Variants in NDUFAF7 observed in about 807,000 individuals in gnomAD.
NDUFAF7 encodes protein arginine methyltransferase NDUFAF7, mitochondrial.
In NDUFAF7, 48 loss-of-function variants were observed where a neutral mutation model predicts 47.2. The observed-to-expected ratio is 1.02, with a 90% CI of 0.81 to 1.29. NDUFAF7 has a LOEUF of 1.29. Among genes scored for constraint, NDUFAF7 ranks in the 50% most tolerant of loss-of-function variants. The probability of loss-of-function intolerance (pLI) is 0.00; values close to 1 mark genes in which losing one functional copy is unlikely to be tolerated. For missense variants in NDUFAF7, 635 were observed against 537.6 expected, an observed-to-expected ratio of 1.18 and a Z score of -1.79; for synonymous variants, 217 against 190.0, an observed-to-expected ratio of 1.14 and a Z score of -1.17.
chr2:37,262,325 G>A, the NDUFAF7 span, among the ~76,000 whole-genome samples: 1 of 152,112 alleles, frequency 6.6e-6, no homozygotes. Flanking sequence ...AATAATGTGT[G>A]TATTCTACTC....
intron 3 of NDUFAF7, among the ~76,000 whole-genome samples, chr2:37,236,780 C>CAA (rs557865044): frequency 0.022 from 2,116 of 96,988 alleles, 145 homozygotes; most frequent in Admixed American, 0.17. Flanking sequence ...AACTCCGTCT[C>CAA]AAAAAAAAAA....
chr2:37,232,859 A>T (rs1040011698), intron 2 of NDUFAF7, among the ~76,000 whole-genome samples: 1 of 152,182 alleles, frequency 6.6e-6, no homozygotes, highest in African/African-American at 2.4e-5. Flanking sequence ...CTACAGAGCC[A>T]TTTGGTGAAA....
At position 37,242,634 on chromosome 2, in the gene NDUFAF7, G is replaced by A. The variant is rs776949355; in HGVS notation, c.623-1G>A. 5 of 1,583,846 alleles carry A rather than the reference G, an allele frequency of 3.2e-6. No homozygotes were observed. In the Admixed American group the frequency reaches 5.0e-5, roughly 16 times the overall value. ...TTAATTGTTTTCCTCTTTTTAAATAGGGTACAGCTTTTATCTTGCACATGA... is the reference window on the plus strand; with the variant it reads ...TTAATTGTTTTCCTCTTTTTAAATAAGGTACAGCTTTTATCTTGCACATGA... On this transcript the variant is annotated splice_acceptor_variant, in intron 5 of 9. Coordinates refer to ENST00000002125, the MANE Select transcript of NDUFAF7 (RefSeq NM_144736.5). LOFTEE classifies it high-confidence loss of function.
At chr2:37,270,894 T>A in the NDUFAF7 span, among the ~76,000 whole-genome samples, 2 of 152,184 alleles carry the variant, frequency 1.3e-5, no homozygotes, top group African/African-American at 4.8e-5. Flanking sequence ...TTCTGAATCC[T>A]TTTCCCCCAT....
At position 37,233,680 on chromosome 2, in the gene NDUFAF7, A is replaced by G. The variant is rs74826115; in HGVS notation, c.216+1414A>G. ...CAGAAGAAAGACTGGGCAGGCATAT[A>G]TACATTTGCTCGTCATCAGCATATA... On this transcript the variant is annotated intron_variant, in intron 2 of 9. Transcript: ENST00000002125. Among the ~76,000 whole-genome samples the G allele has an allele frequency of 9.7e-3, 1,480 of 152,002 alleles. 24 individuals carry two copies. Among genetic ancestry groups the G allele is most frequent in the African/African-American group, 0.032 (1,334 of 41,430 alleles).
intron 9 of NDUFAF7, 56 bp from the exon 10 acceptor site, chr2:37,248,079 T>C (rs1414563568): frequency 7.3e-6 from 10 of 1,371,884 alleles, no homozygotes; most frequent in Admixed American, 3.8e-5. Context: ...TATTGCTGCA[T>C]GTAACTAGGA....
At chr2:37,253,228 T>TG, downstream of NDUFAF7, 2 of 1,612,714 alleles carry the variant, frequency 1.2e-6, no homozygotes, top group Non-Finnish European at 1.7e-6. Flanking sequence ...TGAAGTGCTT[T>TG]GGGTATACAA....
downstream of NDUFAF7, chr2:37,254,190 A>C: frequency 6.3e-7 from 1 of 1,579,476 alleles, no homozygotes; most frequent in Non-Finnish European, 8.7e-7. Flanking sequence ...AAGAGAGATT[A>C]CATTTTTTTT....
chr2:37,235,403 C>T (rs563871678), intron 2 of NDUFAF7, among the ~76,000 whole-genome samples: 1 of 152,084 alleles, frequency 6.6e-6, no homozygotes, highest in Non-Finnish European at 1.5e-5. Flanking sequence ...ACATCACCAG[C>T]AGGCAGGGCC....
chr2:37,237,635 C>T (rs1276958047), intron 3 of NDUFAF7, 122 bp from the exon 4 acceptor site: 1 of 715,708 alleles, frequency 1.4e-6, no homozygotes, highest in African/African-American at 1.8e-5. Context: ...GAACAACATA[C>T]ATATGGCTGT....
At chr2:37,237,421 G>A (rs139357137) in intron 3 of NDUFAF7, among the ~76,000 whole-genome samples, 31 of 152,364 alleles carry the variant, frequency 2.0e-4, no homozygotes, top group African/African-American at 6.7e-4. Context: ...TAAATCATAT[G>A]AATATGAAGA....
the NDUFAF7 span, among the ~76,000 whole-genome samples, chr2:37,270,033 G>C: frequency 6.6e-6 from 1 of 152,098 alleles, no homozygotes; most frequent in Non-Finnish European, 1.5e-5. Context: ...TTCCAGACCA[G>C]CCTGACCAAC....
the NDUFAF7 span, chr2:37,267,361 A>AAAG: frequency 9.1e-7 from 1 of 1,104,868 alleles, no homozygotes; most frequent in Non-Finnish European, 1.3e-6. Context: ...AAAAAAAAAA[A>AAAG]AGAGAAGCAG....
intron 2 of NDUFAF7, among the ~76,000 whole-genome samples, chr2:37,234,880 T>G (rs768182509): frequency 6.6e-6 from 1 of 152,186 alleles, no homozygotes; most frequent in Non-Finnish European, 1.5e-5. Flanking sequence ...TTTTATAACA[T>G]TCTTTAATTC....
At chr2:37,261,765 A>C in the NDUFAF7 span, among the ~76,000 whole-genome samples, 1 of 149,218 alleles carries the variant, frequency 6.7e-6, no homozygotes, top group Non-Finnish European at 1.5e-5. Flanking sequence ...GGGCAACAAG[A>C]GCAAAACTCT....
downstream of NDUFAF7, chr2:37,251,447 T>C (rs1667483913): frequency 1.3e-5 from 2 of 152,544 alleles, no homozygotes; most frequent in African/African-American, 4.8e-5. Flanking sequence ...TCATAATGAC[T>C]TAACACTATG....
At chr2:37,244,819 A>G (rs1666735262) in intron 7 of NDUFAF7, among the ~76,000 whole-genome samples, 1 of 152,334 alleles carries the variant, frequency 6.6e-6, no homozygotes, top group Middle Eastern at 3.4e-3. Flanking sequence ...TAGTATAGCA[A>G]TCTAAGTTTA....
the NDUFAF7 span, among the ~76,000 whole-genome samples, chr2:37,266,964 T>C: frequency 4.6e-5 from 7 of 152,300 alleles, no homozygotes; most frequent in African/African-American, 1.2e-4. Context: ...GAAAAACACA[T>C]AGGAATTTAT....
chr2:37,231,887 G>C (rs1665174150), intron 1 of NDUFAF7, 127 bp downstream of exon 1: 3 of 1,581,366 alleles, frequency 1.9e-6, no homozygotes, highest in East Asian at 2.3e-5. Context: ...AAGGTACCCT[G>C]GGCTGGAAAC....
Sources: gnomAD v4.1 joint callset for allele counts (sites outside exome capture counted in the v4.1 genomes callset) on GRCh38, gnomAD v4.1.1 for gene constraint, MANE v1.5 for transcripts, NCBI Gene and HGNC (gene_info 2026-07-23, HGNC 2026-07-21) for gene names.